Variants in ADAP1 observed in about 807,000 individuals in gnomAD.
ADAP1 encodes arf-GAP with dual PH domain-containing protein 1.
ADAP1 carries 31 observed loss-of-function variants against 54.9 expected under a neutral mutation model. That is an observed-to-expected ratio of 0.56 (90% CI 0.42 to 0.76). The LOEUF (loss-of-function observed/expected upper bound fraction) is 0.76, where lower values mean the gene tolerates loss of function less well. Ranked by LOEUF, ADAP1 falls within the 30% of genes least tolerant of loss-of-function variation. The pLI, the probability that ADAP1 is intolerant of heterozygous loss-of-function variation, is 0.00. For missense variants in ADAP1, 535 were observed against 512.4 expected (o/e 1.04, Z -0.42); for synonymous variants, 313 against 202.6 (o/e 1.55, Z -4.63).
chr7:914,796 G>C (rs1845863753), intron 4 of ADAP1, among the ~76,000 whole-genome samples: 1 of 152,152 alleles, frequency 6.6e-6, no homozygotes. Flanking sequence ...GCAGCCTGGA[G>C]CACAGACAGT....
chr7:906,360 GGAGAAAGAGAAAGGAGAAAGGA>G (rs202227478), intron 4 of ADAP1, among the ~76,000 whole-genome samples: 1 of 926 alleles, frequency 1.1e-3, no homozygotes, highest in African/African-American at 7.9e-3. Context: ...AAGGAGAAAG[GGAGAAAGAGAAAGGAGAAAGGA>G]GAAAGGAGAA....
At chr7:900,676 A>T in intron 6 of ADAP1, 60 bp from the exon 7 acceptor site, 1 of 1,339,216 alleles carries the variant, frequency 7.5e-7, no homozygotes, top group Non-Finnish European at 1.0e-6. Context: ...GGGTCCCCAC[A>T]GAGGGGCTGG....
At chr7:943,406 T>G (rs867996051) in intron 1 of ADAP1, among the ~76,000 whole-genome samples, 57 of 2,132 alleles carry the variant, frequency 0.027, no homozygotes, top group Admixed American at 0.041. Context: ...AGGAAGGGAG[T>G]GAGGAGGAAG....
Position 926,902 on chromosome 7 carries a change from C to G in ADAP1, c.214-258G>C, listed in dbSNP as rs993039070. ...CAAAGGGGGCCCAGGGGCCAGGCCC[C>G]TTTTGAGGATGGGTCTGAGGTTTGC... On this transcript the variant is annotated intron_variant, in intron 2 of 10. Transcript: ENST00000265846. This position sits in a 1 kb window ranked among gnomAD's most constrained non-coding sequence, Gnocchi z 4.6. The G allele has an allele frequency of 2.4e-5, 27 of 1,107,538 alleles. No individual in the cohort carries two copies. Among genetic ancestry groups the G allele is most frequent in the Non-Finnish European group, 3.1e-5 (26 of 828,638 alleles). The allele number at this position is 1,107,538 out of a possible 1,614,324, so 68.6% of individuals were successfully genotyped here. A position where few individuals can be genotyped will look rare whatever the true frequency, so the allele number is the denominator to read the frequency against.
chr7:900,674 A>ACAGAGGGGCTGGGGTCCC, intron 6 of ADAP1, 58 bp from the exon 7 acceptor site: 8 of 1,342,948 alleles, frequency 6.0e-6, no homozygotes, highest in Non-Finnish European at 7.2e-6. Flanking sequence ...TGGGGTCCCC[A>ACAGAGGGGCTGGGGTCCC]CAGAGGGGCT....
chr7:930,848 A>G (rs1846551616), intron 2 of ADAP1, among the ~76,000 whole-genome samples: 2 of 150,934 alleles, frequency 1.3e-5, no homozygotes, highest in African/African-American at 2.4e-5. Context: ...ACGGTGGTGT[A>G]TGCCTGTGGT....
Position 905,309 on chromosome 7 carries a change from G to GGGCGGGGGA in ADAP1, c.389-138_389-137insTCCCCCGCC, listed in dbSNP as rs1845078736. On this transcript the variant is annotated intron_variant, in intron 4 of 10. Coordinates refer to ENST00000265846, the MANE Select transcript of ADAP1 (RefSeq NM_006869.4). ...ACGGGGGACACGGACAGGGGGAGAC[G>GGGCGGGGGA]GACGGGGAGAGGGGACATGGAGGAG... The GGGCGGGGGA allele has an allele frequency of 3.0e-5, 9 of 297,474 alleles. No individual in the cohort carries two copies. In the African/African-American group the frequency reaches 7.6e-4, roughly 25 times the overall value. 18.4% of individuals were successfully genotyped at this position (297,474 alleles called of 1,614,324 possible).
At position 911,301 on chromosome 7, in the gene ADAP1, A is replaced by AC. The variant is rs138748980; in HGVS notation, c.389-6130dup. On this transcript the variant is annotated intron_variant, in intron 4 of 10. Coordinates refer to ENST00000265846, the MANE Select transcript of ADAP1 (RefSeq NM_006869.4). ...CCCGGCCCCCGACAGGCCTGGAGAG[A>AC]CCCCCCCACTCACACACGGGTTCAC... Among the ~76,000 whole-genome samples the AC allele has an allele frequency of 1.5e-3, 228 of 150,176 alleles. 3 individuals are homozygous for AC. In the East Asian group the frequency reaches 0.028, roughly 18 times the overall value.
At chr7:901,842 C>T (rs977447992) in intron 6 of ADAP1, among the ~76,000 whole-genome samples, 2 of 151,262 alleles carry the variant, frequency 1.3e-5, no homozygotes, top group Non-Finnish European at 2.9e-5. Context: ...CTGAACCCGT[C>T]CACACCACAC....
At chr7:935,233 C>A in intron 2 of ADAP1, 142 bp downstream of exon 2, 1 of 1,240,676 alleles carries the variant, frequency 8.1e-7, no homozygotes, top group Non-Finnish European at 1.1e-6. Context: ...GGGCGGGGTC[C>A]TCGGGTCCAG....
rs1226329530 is a variant in ADAP1 at position 926,453 on chromosome 7, T to A, written c.305+100A>T. On this transcript the variant is annotated intron_variant, in intron 3 of 10. Transcript: ENST00000265846. This position sits in a 1 kb window ranked among gnomAD's most constrained non-coding sequence, Gnocchi z 4.6. ...TGCGGCTGGCTTCTCCCCGACCCTGTGGGCGGCACCCAACTCCCCACCCTG... is the reference window on the plus strand; with the variant it reads ...TGCGGCTGGCTTCTCCCCGACCCTGAGGGCGGCACCCAACTCCCCACCCTG... 2.0e-6 allele frequency: 2 copies of A among 1,015,582 alleles called. No individual in the cohort carries two copies. The highest frequency in any genetic ancestry group is 3.5e-5 in the African/African-American group (2 of 56,984). The allele number at this position is 1,015,582 out of a possible 1,614,324, so 62.9% of individuals were successfully genotyped here.
chr7:919,247 C>T (rs1008737908), intron 4 of ADAP1, among the ~76,000 whole-genome samples: 1 of 152,238 alleles, frequency 6.6e-6, no homozygotes, highest in Non-Finnish European at 1.5e-5. Context: ...CCTCACGCCC[C>T]TCACCCGGGC....
chr7:906,687 CGGGGG>C (rs1845417084), intron 4 of ADAP1, among the ~76,000 whole-genome samples: 1 of 29,594 alleles, frequency 3.4e-5, no homozygotes, highest in Admixed American at 4.0e-4. Flanking sequence ...ACAGGGGACA[CGGGGG>C]ACATGGACAT....
At chr7:934,667 C>A (rs1179279067) in intron 2 of ADAP1, among the ~76,000 whole-genome samples, 3 of 152,200 alleles carry the variant, frequency 2.0e-5, no homozygotes, top group African/African-American at 4.8e-5. Context: ...CTCCACCTCC[C>A]TCGGGGTCTC....
chr7:926,702 T>C lies in ADAP1; in HGVS notation c.214-58A>G, dbSNP rs1284821086. 9 of 1,379,376 alleles carry C rather than the reference T, an allele frequency of 6.5e-6. No individual in the cohort carries two copies. Among genetic ancestry groups the C allele is most frequent in the Non-Finnish European group, 8.8e-6 (9 of 1,027,126 alleles). The allele number at this position is 1,379,376 out of a possible 1,614,324, so 85.4% of individuals were successfully genotyped here. A position where few individuals can be genotyped will look rare whatever the true frequency, so the allele number is the denominator to read the frequency against. On this transcript the variant is annotated intron_variant, in intron 2 of 10. Transcript: ENST00000265846. This position sits in a 1 kb window ranked among gnomAD's most constrained non-coding sequence, Gnocchi z 4.6. ...GGGGTCCCAGGGGCAGCCTAGGAGG[T>C]GCCAGCTGCCCTTGGGGCCGTCACC...
chr7:918,911 A>AGGAGTTGGGGACTGCTGGGGGGC (rs1400338826), intron 4 of ADAP1, among the ~76,000 whole-genome samples: 7 of 139,894 alleles, frequency 5.0e-5, no homozygotes, highest in Admixed American at 2.1e-4. Flanking sequence ...CAGGAGAAGC[A>AGGAGTTGGGGACTGCTGGGGGGC]GGAGTTGGGG....
chr7:925,492 C>T (rs977056027), intron 3 of ADAP1, among the ~76,000 whole-genome samples: 2 of 152,166 alleles, frequency 1.3e-5, no homozygotes, highest in African/African-American at 4.8e-5. Flanking sequence ...AACCCCCACC[C>T]GCCTTCCAGG....
intron 4 of ADAP1, among the ~76,000 whole-genome samples, chr7:908,170 G>A (rs1482802596): frequency 6.6e-6 from 1 of 152,120 alleles, no homozygotes; most frequent in Admixed American, 6.5e-5. Flanking sequence ...CTCCAGGCGG[G>A]GCTAAACAGC....
chr7:927,553 CG>C, intron 2 of ADAP1: 1 of 467,118 alleles, frequency 2.1e-6, no homozygotes, highest in Non-Finnish European at 4.4e-6. Context: ...CACCCTGCTC[CG>C]AGGATCACAT....
Sources: allele counts gnomAD v4.1 joint callset (sites outside exome capture counted in the v4.1 genomes callset), GRCh38; gene constraint gnomAD v4.1.1; non-coding constraint Gnocchi (gnomAD v3.1); transcripts MANE v1.5; gene names NCBI Gene and HGNC (gene_info 2026-07-23, HGNC 2026-07-21).